Variants in OR10Z1 observed in about 807,000 individuals in gnomAD.
OR10Z1 encodes the protein olfactory receptor 10Z1.
For synonymous variants in OR10Z1, 187 were observed against 151.2 expected, an observed-to-expected ratio of 1.24 and a Z score of -1.74; for missense variants, 468 against 371.0, an observed-to-expected ratio of 1.26 and a Z score of -2.15.
At position 158,611,671 on chromosome 1, in the gene OR10Z1, C is replaced by T; in HGVS notation, c.*4291C>T. The T allele has an allele frequency of 6.1e-6, 2 of 325,548 alleles. No individual in the cohort carries two copies. Among genetic ancestry groups the T allele is most frequent in the Middle Eastern group, 9.9e-4 (1 of 1,010 alleles). The allele number at this position is 325,548 out of a possible 1,614,324, so 20.2% of individuals were successfully genotyped here. ...TTTATTAAATAGAAGGAATTATATG[C>T]CTAACAACATTTGTTGACCACTTGA... is the stretch of plus-strand genomic sequence containing the variant. On this transcript the variant is annotated 3_prime_UTR_variant, in exon 2 of 2. Coordinates refer to ENST00000641002, the MANE Select transcript of OR10Z1 (RefSeq NM_001004478.2).
rs1441713978 is a variant in OR10Z1 at position 158,611,949 on chromosome 1, A to G, written c.*4569A>G. On this transcript the variant is annotated 3_prime_UTR_variant, in exon 2 of 2. Transcript: ENST00000641002. ...GGTGGCTCCAGATAGTGTCTGGAAG[A>G]CCACATCATTTTCTTTTTGTAACAG... 6.4e-6 allele frequency: 1 copy of G among 156,922 alleles called. No homozygotes were observed. Among genetic ancestry groups the G allele is most frequent in the African/African-American group, 2.4e-5 (1 of 41,452 alleles). 9.7% of individuals were successfully genotyped at this position (156,922 alleles called of 1,614,324 possible). A position where few individuals can be genotyped will look rare whatever the true frequency, so the allele number is the denominator to read the frequency against.
At position 158,607,467 on chromosome 1, in the gene OR10Z1, G is replaced by A. The variant is rs1040163734; in HGVS notation, c.*87G>A. On this transcript the variant is annotated 3_prime_UTR_variant, in exon 2 of 2. Coordinates refer to ENST00000641002, the MANE Select transcript of OR10Z1 (RefSeq NM_001004478.2). ...AAAGGGCCAGGTATTCAAGGCCTCAGGCCAAAGCTGTCCTACCCCCAATCT... is the reference window on the plus strand; with the variant it reads ...AAAGGGCCAGGTATTCAAGGCCTCAAGCCAAAGCTGTCCTACCCCCAATCT... 1 of 995,046 alleles carries A rather than the reference G, an allele frequency of 1.0e-6. No homozygotes were observed. Among genetic ancestry groups the A allele is most frequent in the African/African-American group, 1.6e-5 (1 of 62,004 alleles). 61.6% of individuals were successfully genotyped at this position (995,046 alleles called of 1,614,324 possible). A position where few individuals can be genotyped will look rare whatever the true frequency, so the allele number is the denominator to read the frequency against.
chr1:158,607,571 A>T lies in OR10Z1; in HGVS notation c.*191A>T. ...AGAGGCGGGGCTTCCTGCTCTGCTCACTGTGCACAACTCAAAATGAGCCCA... is the reference window on the plus strand; with the variant it reads ...AGAGGCGGGGCTTCCTGCTCTGCTCTCTGTGCACAACTCAAAATGAGCCCA... On this transcript the variant is annotated 3_prime_UTR_variant, in exon 2 of 2. Coordinates refer to ENST00000641002, the MANE Select transcript of OR10Z1 (RefSeq NM_001004478.2). 4.3e-6 allele frequency: 2 copies of T among 462,672 alleles called. No homozygotes were observed. Among genetic ancestry groups the T allele is most frequent in the South Asian group, 1.2e-4 (2 of 16,826 alleles). The allele number at this position is 462,672 out of a possible 1,614,324, so 28.7% of individuals were successfully genotyped here. A position where few individuals can be genotyped will look rare whatever the true frequency, so the allele number is the denominator to read the frequency against.
rs1015735886 is a variant in OR10Z1, at chr1:158,607,040, T to C, written c.602T>C (p.Ile201Thr). Residue 201 changes from isoleucine (I) to threonine (T), a missense_variant, in exon 2 of 2, where the codon ATC (isoleucine) becomes ACC (threonine). Transcript: ENST00000641002. ...GGCCCGAGTGAGCTGAGGATCTTTATCCTCAGTCTTTTGGTCCTCTTGGTC... is the reference window on the plus strand; with the variant it reads ...GGCCCGAGTGAGCTGAGGATCTTTACCCTCAGTCTTTTGGTCCTCTTGGTC... ...DTGPSELRIF[I>T]LSLLVLLVSF... 3 of 1,613,994 alleles carry C rather than the reference T, an allele frequency of 1.9e-6. No individual in the cohort carries two copies. The Admixed American group carries it at 5.0e-5, about 27-fold the overall frequency.
In OR10Z1 at chr1:158,612,502, C is replaced by T. The variant is rs1649319281; in HGVS notation, c.*5122C>T. On this transcript the variant is annotated 3_prime_UTR_variant, in exon 2 of 2. Transcript: ENST00000641002. ...GGACTGTGTCTTACTAAAGTTTGCA[C>T]TCCTCATGCCTGGAACATAGTAAGC... 1 of 365,412 alleles carries T rather than the reference C, an allele frequency of 2.7e-6. No homozygotes were observed. The highest frequency in any genetic ancestry group is 6.9e-5 in the East Asian group (1 of 14,532). 22.6% of individuals were successfully genotyped at this position (365,412 alleles called of 1,614,324 possible). A position where few individuals can be genotyped will look rare whatever the true frequency, so the allele number is the denominator to read the frequency against.
Position 158,607,439 on chromosome 1 carries a change from G to A in OR10Z1, c.*59G>A, listed in dbSNP as rs1571358793. 4.5e-6 allele frequency: 6 copies of A among 1,341,590 alleles called. No homozygotes were observed. In the African/African-American group the frequency reaches 5.8e-5, roughly 13 times the overall value. The allele number at this position is 1,341,590 out of a possible 1,614,324, so 83.1% of individuals were successfully genotyped here. A position where few individuals can be genotyped will look rare whatever the true frequency, so the allele number is the denominator to read the frequency against. On this transcript the variant is annotated 3_prime_UTR_variant, in exon 2 of 2. Transcript: ENST00000641002. ...GGCTGGGCATAGACCAAGAACCCAA[G>A]CCAAAGGGCCAGGTATTCAAGGCCT...
rs764160384 is a variant in OR10Z1 at position 158,606,442 on chromosome 1, G to C, written c.4G>C (p.Gly2Arg). The C allele has an allele frequency of 4.3e-6, 7 of 1,609,372 alleles. No individual in the cohort carries two copies. In the South Asian group the frequency reaches 4.4e-5, roughly 10 times the overall value. ...TATCAGGGATATACCTCTCAGAATG[G>C]GGCAGACCAACGTAACCTCCTGGAG... M[G>R]QTNVTSWRDF... is the part of the protein sequence containing the mutation. Residue 2 changes from glycine (G) to arginine (R), a missense_variant, in exon 2 of 2, where the codon GGG becomes CGG. Coordinates refer to ENST00000641002, the MANE Select transcript of OR10Z1 (RefSeq NM_001004478.2).
rs1289173332 is a variant in OR10Z1, at chr1:158,606,714, C to T, written c.276C>T (p.Ile92=). 2 of 1,614,102 alleles carry T rather than the reference C, an allele frequency of 1.2e-6. No homozygotes were observed. Among genetic ancestry groups the T allele is most frequent in the Admixed American group, 1.7e-5 (1 of 60,010 alleles). The change falls in exon 2 of 2, where the codon ATC becomes ATT. Residue 92 remains isoleucine, a synonymous_variant. Transcript: ENST00000641002. ...LSGLAGGDQA[I]SYVGCAAQMF... is the part of the protein sequence containing the mutation. ...GCCTGGCTGGGGGGGACCAGGCTATCTCCTATGTGGGCTGTGCTGCCCAGA... is the reference window on the plus strand; with the variant it reads ...GCCTGGCTGGGGGGGACCAGGCTATTTCCTATGTGGGCTGTGCTGCCCAGA...
In OR10Z1 at chr1:158,606,900, C is replaced by T. The variant is rs748367466; in HGVS notation, c.462C>T (p.Leu154=). ...LVITSFLTGY[L]FGLGMTLVIF... is the part of the protein sequence containing the mutation. ...TTACTTCCTTCCTGACTGGATACCT[C>T]TTTGGACTGGGAATGACACTAGTTA... The change falls in exon 2 of 2, where the codon CTC becomes CTT. Residue 154 remains leucine (L), a synonymous_variant. Coordinates refer to ENST00000641002, the MANE Select transcript of OR10Z1 (RefSeq NM_001004478.2). 72 of 1,613,950 alleles carry T rather than the reference C, an allele frequency of 4.5e-5. No individual in the cohort carries two copies. Among genetic ancestry groups the T allele is most frequent in the Non-Finnish European group, 1.8e-5 (21 of 1,179,990 alleles).
chr1:158,611,075 C>T lies in OR10Z1; in HGVS notation c.*3695C>T. On this transcript the variant is annotated 3_prime_UTR_variant, in exon 2 of 2. Transcript: ENST00000641002. The stretch of plus-strand genomic sequence containing the variant: ...CCAACTCTATTAACCTTTCTATCTC[C>T]CACCCTTGAGATTTTTTAAGATCCT... 1.3e-6 allele frequency: 1 copy of T among 758,426 alleles called. No individual in the cohort carries two copies. The highest frequency in any genetic ancestry group is 2.3e-5 in the Admixed American group (1 of 43,784). 47.0% of individuals were successfully genotyped at this position (758,426 alleles called of 1,614,324 possible). A position where few individuals can be genotyped will look rare whatever the true frequency, so the allele number is the denominator to read the frequency against.
At position 158,610,943 on chromosome 1, in the gene OR10Z1, T is replaced by C. The variant is rs987865697; in HGVS notation, c.*3563T>C. ...TAAAAAGAATTACTTTATTCTATAATCGGAATAAAGCAAAATGATAAAGAC... is the reference window on the plus strand; with the variant it reads ...TAAAAAGAATTACTTTATTCTATAACCGGAATAAAGCAAAATGATAAAGAC... On this transcript the variant is annotated 3_prime_UTR_variant, in exon 2 of 2. Transcript: ENST00000641002. 2.4e-5 allele frequency: 6 copies of C among 254,634 alleles called. No homozygotes were observed. The highest frequency in any genetic ancestry group is 3.9e-5 in the Non-Finnish European group (5 of 129,406). The allele number at this position is 254,634 out of a possible 1,614,324, so 15.8% of individuals were successfully genotyped here.
At position 158,607,254 on chromosome 1, in the gene OR10Z1, G is replaced by A. The variant is rs1371131739; in HGVS notation, c.816G>A (p.Gln272=). 16 of 1,613,960 alleles carry A rather than the reference G, an allele frequency of 9.9e-6. No individual in the cohort carries two copies. The highest frequency in any genetic ancestry group is 5.0e-5 in the Admixed American group (3 of 59,996). The change falls in exon 2 of 2, where the codon CAG becomes CAA. Residue 272 remains glutamine, a synonymous_variant. Transcript: ENST00000641002. The stretch of plus-strand genomic sequence containing the variant: ...CCAGCTACTCTCTTGAGAGAGATCA[G>A]CTTATTGCCATGACCTATACTGTAG... The part of the protein sequence containing the change: ...PKASYSLERD[Q]LIAMTYTVVT...
At position 158,611,303 on chromosome 1, in the gene OR10Z1, A is replaced by G; in HGVS notation, c.*3923A>G. ...AGGAATTGGTGAAGCCAACGTAGTC[A>G]TAGCCAGAGAGATGGCTTCGACCCC... On this transcript the variant is annotated 3_prime_UTR_variant, in exon 2 of 2. Coordinates refer to ENST00000641002, the MANE Select transcript of OR10Z1 (RefSeq NM_001004478.2). 6.2e-7 allele frequency: 1 copy of G among 1,613,888 alleles called. No individual in the cohort carries two copies.
In OR10Z1 at chr1:158,605,299, C is replaced by T. The variant is rs1649023168; in HGVS notation, c.-216C>T. ...GGAGATTTCAAGATGCATCTCAAGT[C>T]TTTCTCCTGTGGTCTATCCTGCTGG... On this transcript the variant is annotated 5_prime_UTR_variant, in exon 1 of 2. Coordinates refer to ENST00000641002, the MANE Select transcript of OR10Z1 (RefSeq NM_001004478.2). The T allele has an allele frequency of 6.6e-6, 1 of 152,504 alleles. No individual in the cohort carries two copies. The highest frequency in any genetic ancestry group is 2.1e-4 in the South Asian group (1 of 4,830). 9.4% of individuals were successfully genotyped at this position (152,504 alleles called of 1,614,324 possible). A position where few individuals can be genotyped will look rare whatever the true frequency, so the allele number is the denominator to read the frequency against.
Position 158,611,242 on chromosome 1 carries a change from A to G in OR10Z1, c.*3862A>G. On this transcript the variant is annotated 3_prime_UTR_variant, in exon 2 of 2. Transcript: ENST00000641002. ...ATTTCCCACGACACTAAGATTTTCT[A>G]CGATCCACGAGGAGCTGCTTATTAG... 2 of 1,612,612 alleles carry G rather than the reference A, an allele frequency of 1.2e-6. No homozygotes were observed. Among genetic ancestry groups the G allele is most frequent in the East Asian group, 2.2e-5 (1 of 44,818 alleles).
Position 158,606,694 on chromosome 1 carries a change from G to C in OR10Z1, c.256G>C (p.Ala86Pro). 1 of 1,614,076 alleles carries C rather than the reference G, an allele frequency of 6.2e-7. No homozygotes were observed. Among genetic ancestry groups the C allele is most frequent in the Non-Finnish European group, 8.5e-7 (1 of 1,179,976 alleles). Residue 86 changes from alanine to proline, a missense_variant, in exon 2 of 2, where the codon GCT becomes CCT. Coordinates refer to ENST00000641002, the MANE Select transcript of OR10Z1 (RefSeq NM_001004478.2). ...CATCCCTAGAATGCTCTCTGGCCTG[G>C]CTGGGGGGGACCAGGCTATCTCCTA... ...GIIPRMLSGLAGGDQAISYVG... is the reference protein window; with the variant it reads ...GIIPRMLSGLPGGDQAISYVG...
At position 158,606,787 on chromosome 1, in the gene OR10Z1, G is replaced by T. The variant is rs373634724; in HGVS notation, c.349G>T (p.Ala117Ser). The T allele has an allele frequency of 3.1e-6, 5 of 1,613,998 alleles. No homozygotes were observed. Among genetic ancestry groups the T allele is most frequent in the Non-Finnish European group, 4.2e-6 (5 of 1,179,964 alleles). ...WACTNCFLLA[A>S]MGFDRYVAIC... Reference sequence around the variant, plus strand: ...CTGTACTAACTGCTTCCTTCTGGCTGCCATGGGCTTTGACAGATATGTGGC... The same window carrying T: ...CTGTACTAACTGCTTCCTTCTGGCTTCCATGGGCTTTGACAGATATGTGGC... The change falls in exon 2 of 2, where the codon GCC becomes TCC. Residue 117 changes from alanine to serine, a missense_variant. Transcript: ENST00000641002.
In OR10Z1 at chr1:158,610,913, A is replaced by G. The variant is rs1477712467; in HGVS notation, c.*3533A>G. The stretch of plus-strand genomic sequence containing the variant: ...TTTACTTAACTTTGCCCCAAAAAAT[A>G]TTTTTAAAAAGAATTACTTTATTCT... On this transcript the variant is annotated 3_prime_UTR_variant, in exon 2 of 2. Coordinates refer to ENST00000641002, the MANE Select transcript of OR10Z1 (RefSeq NM_001004478.2). 9.0e-4 allele frequency: 190 copies of G among 210,396 alleles called. No individual in the cohort carries two copies. The highest frequency in any genetic ancestry group is 2.3e-5 in the African/African-American group (1 of 42,792). 13.0% of individuals were successfully genotyped at this position (210,396 alleles called of 1,614,324 possible). A position where few individuals can be genotyped will look rare whatever the true frequency, so the allele number is the denominator to read the frequency against.
rs753378500 is a variant in OR10Z1, at chr1:158,606,953, A to G, written c.515A>G (p.His172Arg). Residue 172 changes from histidine (H) to arginine (R), a missense_variant, in exon 2 of 2, where the codon CAT becomes CGT. By Grantham distance (29) the His-to-Arg change is conservative (BLOSUM62 0). Coordinates refer to ENST00000641002, the MANE Select transcript of OR10Z1 (RefSeq NM_001004478.2). ...VIFHLSFCSS[H>R]EIQHFFCDTP... ...TTCCACCTCTCATTCTGCAGCTCCC[A>G]TGAAATCCAGCACTTTTTTTGTGAC... The G allele has an allele frequency of 1.2e-5, 20 of 1,613,956 alleles. No homozygotes were observed. The highest frequency in any genetic ancestry group is 1.6e-4 in the Middle Eastern group (1 of 6,084).
Sources: allele counts gnomAD v4.1 joint callset, GRCh38; gene constraint gnomAD v4.1.1; transcripts MANE v1.5; gene names NCBI Gene and HGNC (gene_info 2026-07-23, HGNC 2026-07-21).